Variants in KAZN observed in about 807,000 individuals in gnomAD.
KAZN encodes kazrin.
A neutral mutation model predicts 87.4 loss-of-function variants in KAZN; 40 were observed. The ratio of observed to expected loss-of-function variants is 0.46; its 90% CI spans 0.36 to 0.60. KAZN has a LOEUF of 0.60. Among genes scored for constraint, KAZN ranks in the 20% least tolerant of loss-of-function variants. The probability of loss-of-function intolerance (pLI) is 0.00; values close to 1 mark genes in which losing one functional copy is unlikely to be tolerated. For synonymous variants in KAZN, 466 were observed against 458.3 expected (o/e 1.02, Z -0.22); for missense variants, 898 against 1,073.9 (o/e 0.84, Z 2.29).
chr1:14,026,305 A>G (rs1188860428), intron 1 of KAZN, among the ~76,000 whole-genome samples: 2 of 152,206 alleles, frequency 1.3e-5, no homozygotes, highest in Admixed American at 6.5e-5. Context: ...AAGGACTACC[A>G]TTGAATCTCA....
At chr1:14,698,517 T>A (rs1001619500) in intron 1 of KAZN, among the ~76,000 whole-genome samples, 1 of 152,220 alleles carries the variant, frequency 6.6e-6, no homozygotes, top group Non-Finnish European at 1.5e-5. Context: ...CCCTCCCATG[T>A]GGGCCTTCAG....
chr1:14,129,407 G>C (rs1644943916), intron 1 of KAZN, among the ~76,000 whole-genome samples: 1 of 152,212 alleles, frequency 6.6e-6, no homozygotes, highest in South Asian at 2.1e-4. Flanking sequence ...CATCAGCCAA[G>C]TTCAGGGATA....
At chr1:14,655,363 G>A (rs10927482) in intron 1 of KAZN, among the ~76,000 whole-genome samples, 12,119 of 152,188 alleles carry the variant, frequency 0.08, 1,612 homozygotes, top group African/African-American at 0.28. Flanking sequence ...AACTTGCTCT[G>A]CAAGTATGAG....
At chr1:14,368,861 C>G (rs1660226322) in intron 2 of KAZN, among the ~76,000 whole-genome samples, 1 of 151,716 alleles carries the variant, frequency 6.6e-6, no homozygotes, top group South Asian at 2.1e-4. Flanking sequence ...GAGGTACTGG[C>G]TTTTTTTTTC....
intron 1 of KAZN, among the ~76,000 whole-genome samples, chr1:14,170,548 A>G (rs937527396): frequency 6.6e-6 from 1 of 152,180 alleles, no homozygotes; most frequent in South Asian, 2.1e-4. Flanking sequence ...GTAGCTTGAA[A>G]TTTACCAGGT....
intron 1 of KAZN, among the ~76,000 whole-genome samples, chr1:14,050,177 C>T (rs138725032): frequency 1.8e-4 from 27 of 149,544 alleles, no homozygotes; most frequent in South Asian, 6.4e-4. Flanking sequence ...TGGGTGTGTG[C>T]GCACATGTGT....
At chr1:13,893,014 G>GGCCCGCGCC (rs1244210692) in exon 1 of KAZN, 2 of 151,592 alleles carry the variant, frequency 1.3e-5, no homozygotes, top group African/African-American at 4.8e-5. Flanking sequence ...GCGCCCGTGC[G>GGCCCGCGCC]GCCCGCGCCG....
At chr1:15,070,499 T>C (rs1335682809) in intron 8 of KAZN, among the ~76,000 whole-genome samples, 1 of 151,926 alleles carries the variant, frequency 6.6e-6, no homozygotes, top group African/African-American at 2.4e-5. Context: ...CCCCAACACC[T>C]GGGGAGCTCT....
chr1:13,947,403 C>T (rs536683231), intron 1 of KAZN, among the ~76,000 whole-genome samples: 178 of 152,256 alleles, frequency 1.2e-3, no homozygotes, highest in African/African-American at 4.0e-3. Context: ...AAACCGCCCC[C>T]GTGATCCAAT....
chr1:14,202,101 T>A (rs566261284), intron 2 of KAZN, among the ~76,000 whole-genome samples: 20 of 152,342 alleles, frequency 1.3e-4, no homozygotes, highest in Non-Finnish European at 2.8e-4. Flanking sequence ...ATCATTCCCA[T>A]GTTTCAGATG....
intron 1 of KAZN, among the ~76,000 whole-genome samples, chr1:13,939,881 C>T (rs933376074): frequency 3.3e-5 from 5 of 152,070 alleles, no homozygotes; most frequent in Non-Finnish European, 5.9e-5. Context: ...GTGGGGGAGG[C>T]GCCTCAGACT....
chr1:14,590,150 C>T (rs673445), intron 2 of KAZN, among the ~76,000 whole-genome samples: 12,117 of 152,018 alleles, frequency 0.08, 1,638 homozygotes, highest in African/African-American at 0.28. Flanking sequence ...ATAGAGATCA[C>T]AGGAATAATA....
At chr1:14,263,407 G>C (rs1651231696) in intron 2 of KAZN, among the ~76,000 whole-genome samples, 2 of 152,208 alleles carry the variant, frequency 1.3e-5, no homozygotes, top group Admixed American at 6.5e-5. Flanking sequence ...GCTCTCAGCT[G>C]TCAGCCTCTA....
At chr1:14,375,950 C>T (rs374393299) in intron 2 of KAZN, among the ~76,000 whole-genome samples, 47 of 152,266 alleles carry the variant, frequency 3.1e-4, no homozygotes, top group African/African-American at 1.1e-3. Flanking sequence ...GTACAATACC[C>T]TCAACACAAA....
At chr1:14,994,001 A>G (rs1667623823) in intron 2 of KAZN, among the ~76,000 whole-genome samples, 1 of 152,154 alleles carries the variant, frequency 6.6e-6, no homozygotes, top group Non-Finnish European at 1.5e-5. Flanking sequence ...CCCAGGTGCG[A>G]CGTAGAGCTC....
At chr1:14,876,978 T>A (rs756212892) in intron 1 of KAZN, among the ~76,000 whole-genome samples, 1 of 152,238 alleles carries the variant, frequency 6.6e-6, no homozygotes, top group Non-Finnish European at 1.5e-5. Context: ...CAACCCAAAC[T>A]GTCTTAAGCC....
intron 2 of KAZN, among the ~76,000 whole-genome samples, chr1:14,228,811 G>T (rs1221269687): frequency 6.6e-6 from 1 of 152,202 alleles, no homozygotes; most frequent in Non-Finnish European, 1.5e-5. Flanking sequence ...ATCAGTCCGG[G>T]CCTACTCATT....
At chr1:13,923,437 G>T (rs1320710658) in intron 1 of KAZN, among the ~76,000 whole-genome samples, 2 of 151,974 alleles carry the variant, frequency 1.3e-5, no homozygotes, top group African/African-American at 4.8e-5. Flanking sequence ...GCCGGGCGTG[G>T]TGGCAGGTGC....
At chr1:15,038,610 A>G (rs10927643) in intron 3 of KAZN, among the ~76,000 whole-genome samples, 39,360 of 151,046 alleles carry the variant, frequency 0.26, 5,428 homozygotes, top group African/African-American at 0.34. Context: ...TGCACCTACT[A>G]TATACAGGCA....
Sources: gnomAD v4.1 joint callset for allele counts (sites outside exome capture counted in the v4.1 genomes callset) on GRCh38, gnomAD v4.1.1 for gene constraint, MANE v1.5 for transcripts, NCBI Gene and HGNC (gene_info 2026-07-23, HGNC 2026-07-21) for gene names.